The following PLGRKT variants were observed in gnomAD, a reference collection of about 807,000 sequenced individuals.
The protein encoded by PLGRKT is plasminogen receptor (KT).
A neutral mutation model predicts 18.5 loss-of-function variants in PLGRKT; 22 were observed. The ratio of observed to expected loss-of-function variants is 1.19; its 90% confidence interval spans 0.85 to 1.70. The LOEUF is 1.70. Among genes scored for constraint, PLGRKT ranks in the 40% most tolerant of loss-of-function variants. The pLI is 0.00. For synonymous variants in PLGRKT, 72 were observed against 52.8 expected (o/e 1.36, Z -1.58); for missense variants, 235 against 174.4 (o/e 1.35, Z -1.96).
At chr9:5,377,609 A>C (rs1817654737) in intron 3 of PLGRKT, among the ~76,000 whole-genome samples, 1 of 152,228 alleles carries the variant, frequency 6.6e-6, no homozygotes, top group African/African-American at 2.4e-5. Flanking sequence ...ATGATGGTAA[A>C]ACCTGTAGGA....
chr9:5,404,688 G>C (rs1365129947), intron 3 of PLGRKT, among the ~76,000 whole-genome samples: 1 of 152,118 alleles, frequency 6.6e-6, no homozygotes, highest in Non-Finnish European at 1.5e-5. Context: ...ATGGGCAAAA[G>C]CTGGAAGCAT....
At chr9:5,435,857 T>C (rs1032831308) in intron 2 of PLGRKT, among the ~76,000 whole-genome samples, 17 of 152,346 alleles carry the variant, frequency 1.1e-4, no homozygotes, top group African/African-American at 3.8e-4. Flanking sequence ...TTCCCAAGTA[T>C]TCTGTGGGAA....
At chr9:5,415,796 T>C (rs889211534) in intron 3 of PLGRKT, among the ~76,000 whole-genome samples, 4 of 152,046 alleles carry the variant, frequency 2.6e-5, no homozygotes, top group African/African-American at 9.7e-5. Flanking sequence ...AAATGACCAG[T>C]ATTTCTCAAA....
In PLGRKT at chr9:5,384,188, A is replaced by T. The variant is rs142717921; in HGVS notation, c.82-22300T>A. 2.7e-3 allele frequency among the ~76,000 whole-genome samples: 405 copies of T among 152,244 alleles called. 4 individuals are homozygous for T. The highest frequency in any genetic ancestry group is 9.5e-3 in the African/African-American group (394 of 41,526). ...GAAGTAAAAGCCATTGTTGGGGGAGATCCCCTAGAAGTGGAAGGCCTGGGA... is the reference window on the plus strand; with the variant it reads ...GAAGTAAAAGCCATTGTTGGGGGAGTTCCCCTAGAAGTGGAAGGCCTGGGA... On this transcript the variant is annotated intron_variant, in intron 3 of 5. Coordinates refer to ENST00000223864, the MANE Select transcript of PLGRKT (RefSeq NM_018465.4).
At chr9:5,415,077 G>A (rs111661406) in intron 3 of PLGRKT, among the ~76,000 whole-genome samples, 1 of 152,148 alleles carries the variant, frequency 6.6e-6, no homozygotes, top group Non-Finnish European at 1.5e-5. Context: ...AAAGGGACCA[G>A]GACTCCATGA....
intron 3 of PLGRKT, among the ~76,000 whole-genome samples, chr9:5,404,801 TAA>T (rs1406913561): frequency 6.6e-6 from 1 of 152,094 alleles, no homozygotes. Context: ...GAGAAAGAAA[TAA>T]AGTGTATTCA....
intron 3 of PLGRKT, chr9:5,392,520 T>C (rs1165993091): frequency 6.6e-6 from 1 of 151,980 alleles, no homozygotes; most frequent in Non-Finnish European, 1.5e-5. Context: ...CTCATGAATA[T>C]GTGAAGCAGG....
chr9:5,385,758 G>A lies in PLGRKT; in HGVS notation c.82-23870C>T, dbSNP rs78481367. 5.1e-3 allele frequency among the ~76,000 whole-genome samples: 781 copies of A among 151,908 alleles called. 25 individuals are homozygous for A. The highest frequency in any genetic ancestry group is 0.018 in the African/African-American group (748 of 41,228). ...CTATTTTTGAGAGGCAATTCTCCAC[G>A]GATCTCCCACATCTCTGTATGCCTT... On this transcript the variant is annotated intron_variant, in intron 3 of 5. Coordinates refer to ENST00000223864, the MANE Select transcript of PLGRKT (RefSeq NM_018465.4).
intron 3 of PLGRKT, 89 bp downstream of exon 3, chr9:5,431,808 G>A (rs1241867268): frequency 1.1e-5 from 7 of 665,612 alleles, no homozygotes; most frequent in South Asian, 1.8e-5. Context: ...TTTATTGTTG[G>A]GAGTCAAAGA....
At chr9:5,431,420 G>C (rs1160635964) in intron 3 of PLGRKT, among the ~76,000 whole-genome samples, 1 of 151,192 alleles carries the variant, frequency 6.6e-6, no homozygotes, top group Non-Finnish European at 1.5e-5. Flanking sequence ...TGCAATCCCA[G>C]CTACTAGGGA....
chr9:5,400,295 C>A lies in PLGRKT; in HGVS notation c.81+31602G>T, dbSNP rs984875783. Among the ~76,000 whole-genome samples, 24 of 151,814 alleles carry A rather than the reference C, an allele frequency of 1.6e-4. 1 individual carries two copies. Among genetic ancestry groups the A allele is most frequent in the African/African-American group, 5.3e-4 (22 of 41,148 alleles). ...AAGGTCTTCATATTCAAAATTCCCT[C>A]AAAACATATGTGGCTTCAAATTGTG... On this transcript the variant is annotated intron_variant, in intron 3 of 5. Coordinates refer to ENST00000223864, the MANE Select transcript of PLGRKT (RefSeq NM_018465.4).
intron 3 of PLGRKT, among the ~76,000 whole-genome samples, chr9:5,413,682 C>T (rs981638144): frequency 6.6e-6 from 1 of 152,152 alleles, no homozygotes; most frequent in Non-Finnish European, 1.5e-5. Context: ...TGATTTTTAT[C>T]CATTGAGAAC....
intron 3 of PLGRKT, among the ~76,000 whole-genome samples, chr9:5,388,638 C>G (rs1271508102): frequency 2.0e-5 from 3 of 152,032 alleles, no homozygotes; most frequent in Non-Finnish European, 4.4e-5. Flanking sequence ...GGGCATGAGC[C>G]TAGCCCTCAG....
chr9:5,381,569 G>A (rs910937795), intron 3 of PLGRKT, among the ~76,000 whole-genome samples: 28 of 152,246 alleles, frequency 1.8e-4, no homozygotes, highest in African/African-American at 5.3e-4. Flanking sequence ...ATTTACAAAC[G>A]TGCAGATGTG....
At chr9:5,382,061 C>G (rs1217491856) in intron 3 of PLGRKT, 3 of 955,558 alleles carry the variant, frequency 3.1e-6, no homozygotes, top group Non-Finnish European at 3.7e-6. Context: ...AGCCTCACAA[C>G]TTTCCTGTTT....
intron 2 of PLGRKT, among the ~76,000 whole-genome samples, chr9:5,435,206 G>C (rs1818935811): frequency 6.6e-6 from 1 of 151,672 alleles, no homozygotes; most frequent in Non-Finnish European, 1.5e-5. Flanking sequence ...CCTCTGCCTA[G>C]GAAAACCAGA....
At chr9:5,412,818 G>A (rs750202803) in intron 3 of PLGRKT, among the ~76,000 whole-genome samples, 6 of 151,872 alleles carry the variant, frequency 4.0e-5, no homozygotes, top group Non-Finnish European at 5.9e-5. Context: ...TTAAACCACC[G>A]TAAACAAGTG....
intron 3 of PLGRKT, among the ~76,000 whole-genome samples, chr9:5,404,976 T>C (rs1473628364): frequency 1.3e-5 from 2 of 151,904 alleles, no homozygotes; most frequent in Non-Finnish European, 2.9e-5. Flanking sequence ...CATTCCTATA[T>C]ACCAACAATA....
intron 5 of PLGRKT, among the ~76,000 whole-genome samples, chr9:5,359,379 A>C (rs1817211066): frequency 6.6e-6 from 1 of 152,192 alleles, no homozygotes; most frequent in East Asian, 1.9e-4. Context: ...ATTGTACTCC[A>C]AACCCAACAG....
Sources: gnomAD v4.1 joint callset for allele counts (sites outside exome capture counted in the v4.1 genomes callset) on GRCh38, gnomAD v4.1.1 for gene constraint, MANE v1.5 for transcripts, NCBI Gene and HGNC (gene_info 2026-07-23, HGNC 2026-07-21) for gene names.